The following PLPP4 variants were observed in gnomAD, a reference collection of about 807,000 sequenced individuals.
The protein encoded by PLPP4 is diacylglycerol pyrophosphate like 2.
A neutral mutation model predicts 32.2 loss-of-function variants in PLPP4; 20 were observed. The ratio of observed to expected loss-of-function variants is 0.62; its 90% CI spans 0.44 to 0.90. PLPP4 has a LOEUF of 0.90. Among genes scored for constraint, PLPP4 ranks in the 40% least tolerant of loss-of-function variants. The pLI is 0.00. For synonymous variants in PLPP4, 127 were observed against 133.0 expected, an observed-to-expected ratio of 0.95 and a Z score of 0.31; for missense variants, 257 against 353.1, an observed-to-expected ratio of 0.73 and a Z score of 2.18.
At chr10:120,549,021 A>C (rs1208163390) in intron 5 of PLPP4, among the ~76,000 whole-genome samples, 5 of 151,924 alleles carry the variant, frequency 3.3e-5, no homozygotes, top group Admixed American at 3.3e-4. Context: ...TCAAAATTCC[A>C]AAATTTTTAG....
chr10:120,472,136 A>AT (rs1042309166), intron 1 of PLPP4, among the ~76,000 whole-genome samples: 2 of 152,086 alleles, frequency 1.3e-5, no homozygotes, highest in African/African-American at 4.8e-5. Flanking sequence ...AGAAATTAAG[A>AT]TTTTAAAAAA....
chr10:120,586,201 C>T (rs994406078), intron 6 of PLPP4, among the ~76,000 whole-genome samples: 7 of 148,164 alleles, frequency 4.7e-5, no homozygotes, highest in Admixed American at 4.1e-4. Context: ...GTGGTACGAT[C>T]TTGGCTCACT....
At chr10:120,462,072 G>A (rs1848075620) in intron 1 of PLPP4, among the ~76,000 whole-genome samples, 1 of 152,218 alleles carries the variant, frequency 6.6e-6, no homozygotes, top group Non-Finnish European at 1.5e-5. Context: ...GAAGGAGGAT[G>A]CATGTGCCAG....
intron 1 of PLPP4, among the ~76,000 whole-genome samples, chr10:120,479,167 A>G (rs951145056): frequency 2.0e-5 from 3 of 152,188 alleles, no homozygotes; most frequent in Non-Finnish European, 4.4e-5. Flanking sequence ...TAGAGCTTGC[A>G]GTGAGCCGAG....
intron 6 of PLPP4, among the ~76,000 whole-genome samples, chr10:120,577,258 C>T (rs562816085): frequency 2.6e-5 from 4 of 152,182 alleles, no homozygotes; most frequent in South Asian, 2.1e-4. Context: ...ACTTTGGATT[C>T]GGGGAATGAT....
chr10:120,473,059 T>C (rs1848585905), intron 1 of PLPP4, among the ~76,000 whole-genome samples: 2 of 152,220 alleles, frequency 1.3e-5, no homozygotes, highest in Admixed American at 1.3e-4. Flanking sequence ...TTTCCACCAA[T>C]TCCCACATCA....
At chr10:120,564,576 T>C (rs1329725484) in intron 5 of PLPP4, among the ~76,000 whole-genome samples, 1 of 151,954 alleles carries the variant, frequency 6.6e-6, no homozygotes, top group Non-Finnish European at 1.5e-5. Context: ...ATTAAAATTT[T>C]CCACTATTAT....
In PLPP4 at chr10:120,567,296, A is replaced by G. The variant is rs373856373; in HGVS notation, c.446-7835A>G. Among the ~76,000 whole-genome samples, 59 of 152,352 alleles carry G rather than the reference A, an allele frequency of 3.9e-4. 1 individual carries two copies. In the South Asian group the frequency reaches 4.8e-3, roughly 12 times the overall value. ...AATAGACATGTCTGGGTGTGAGACC[A>G]GATTCTGTATTCAATATTTCCAGAT... On this transcript the variant is annotated intron_variant, in intron 5 of 6. Transcript: ENST00000398250.
rs1844344756 is a variant in PLPP4 at position 120,484,344 on chromosome 10, T to C, written c.57-19474T>C. ...TCTGTTTTATGCTGCTATAACAGAA[T>C]ACCTGAAATTGGATAATTCATAATA... is the stretch of plus-strand genomic sequence containing the variant. On this transcript the variant is annotated intron_variant, in intron 1 of 6. Coordinates refer to ENST00000398250, the MANE Select transcript of PLPP4 (RefSeq NM_001030059.3). 2.0e-5 allele frequency among the ~76,000 whole-genome samples: 3 copies of C among 152,206 alleles called. No individual in the cohort carries two copies. The South Asian group carries it at 6.2e-4, about 32-fold the overall frequency.
At chr10:120,460,307 C>T (rs902053085) in intron 1 of PLPP4, among the ~76,000 whole-genome samples, 2 of 152,152 alleles carry the variant, frequency 1.3e-5, no homozygotes, top group Admixed American at 1.3e-4. Context: ...TTTTGGGCTT[C>T]TTCTGTCCTG....
chr10:120,575,354 C>T (rs1849172090), intron 6 of PLPP4, 53 bp downstream of exon 6: 2 of 1,565,842 alleles, frequency 1.3e-6, no homozygotes, highest in Non-Finnish European at 1.7e-6. Context: ...CCCCTCTCCT[C>T]CAGGGATGGG....
intron 6 of PLPP4, among the ~76,000 whole-genome samples, chr10:120,579,270 A>G (rs1288043149): frequency 2.0e-5 from 3 of 152,174 alleles, no homozygotes; most frequent in Non-Finnish European, 4.4e-5. Flanking sequence ...GTGTTTCATT[A>G]TAAGAAAGAA....
intron 5 of PLPP4, among the ~76,000 whole-genome samples, chr10:120,571,396 G>C (rs1368081600): frequency 6.6e-6 from 1 of 151,990 alleles, no homozygotes; most frequent in African/African-American, 2.4e-5. Flanking sequence ...AGGGAGGATG[G>C]AGGTAGGGTG....
intron 1 of PLPP4, among the ~76,000 whole-genome samples, chr10:120,499,271 C>T (rs949075868): frequency 1.3e-5 from 2 of 152,082 alleles, no homozygotes; most frequent in Non-Finnish European, 2.9e-5. Flanking sequence ...GTTGCTGTGC[C>T]TTTTCATTTT....
chr10:120,458,881 C>T (rs1847911924), intron 1 of PLPP4, among the ~76,000 whole-genome samples: 1 of 152,136 alleles, frequency 6.6e-6, no homozygotes, highest in African/African-American at 2.4e-5. Context: ...AACTAGTTTT[C>T]AGTGCACAGT....
chr10:120,541,297 C>T (rs1032329911), intron 5 of PLPP4, among the ~76,000 whole-genome samples: 3 of 152,130 alleles, frequency 2.0e-5, no homozygotes, highest in Non-Finnish European at 4.4e-5. Context: ...GAGTTTCAGT[C>T]CTTACCTTTC....
chr10:120,539,580 C>T lies in PLPP4; in HGVS notation c.445+18485C>T, dbSNP rs536420961. Reference sequence around the variant, plus strand: ...GACCTGGAGAACTGGGGACTTGGGGCGGGGCAGAGATAAATGATCACTTTT... The same window carrying T: ...GACCTGGAGAACTGGGGACTTGGGGTGGGGCAGAGATAAATGATCACTTTT... On this transcript the variant is annotated intron_variant, in intron 5 of 6. Transcript: ENST00000398250. 8.5e-5 allele frequency among the ~76,000 whole-genome samples: 13 copies of T among 152,096 alleles called. No homozygotes were observed. The East Asian group carries it at 1.6e-3, about 18-fold the overall frequency.
intron 5 of PLPP4, among the ~76,000 whole-genome samples, chr10:120,554,202 A>G (rs964487929): frequency 6.6e-6 from 1 of 152,144 alleles, no homozygotes; most frequent in African/African-American, 2.4e-5. Flanking sequence ...CTTCTGCCAG[A>G]TACTGTAAAT....
chr10:120,588,429 C>T lies in PLPP4; in HGVS notation c.617-874C>T, dbSNP rs114477515. Among the ~76,000 whole-genome samples, 1,010 of 152,266 alleles carry T rather than the reference C, an allele frequency of 6.6e-3. 13 individuals are homozygous for T. The highest frequency in any genetic ancestry group is 0.023 in the African/African-American group (950 of 41,538). ...ATCTGTTAGAGAATTGAGTCCTTCC[C>T]GCCAGAGGTCTGCTGAGTTTGCCAA... is the stretch of plus-strand genomic sequence containing the variant. On this transcript the variant is annotated intron_variant, in intron 6 of 6. Coordinates refer to ENST00000398250, the MANE Select transcript of PLPP4 (RefSeq NM_001030059.3).
Sources: allele counts gnomAD v4.1 joint callset (sites outside exome capture counted in the v4.1 genomes callset), GRCh38; gene constraint gnomAD v4.1.1; transcripts MANE v1.5; gene names NCBI Gene and HGNC (gene_info 2026-07-23, HGNC 2026-07-21).